The following KDELR2 variants were observed in gnomAD, a reference collection of about 807,000 sequenced individuals.
The protein encoded by KDELR2 is ER lumen protein-retaining receptor 2.
In KDELR2, 15 loss-of-function variants were observed where a neutral mutation model predicts 23.9. The ratio of observed to expected loss-of-function variants is 0.63; its 90% CI spans 0.42 to 0.97. The LOEUF (loss-of-function observed/expected upper bound fraction) is 0.97, where lower values mean the gene tolerates loss of function less well. Among genes scored for constraint, KDELR2 ranks in the 50% least tolerant of loss-of-function variants. The probability of loss-of-function intolerance (pLI) is 0.00; values close to 1 mark genes in which losing one functional copy is unlikely to be tolerated. For synonymous variants in KDELR2, 119 were observed against 106.2 expected, an observed-to-expected ratio of 1.12 and a Z score of -0.74; for missense variants, 272 against 254.6, an observed-to-expected ratio of 1.07 and a Z score of -0.46.
rs375301681 is a variant in KDELR2, at chr7:6,473,841, C to G, written c.192+343G>C. On this transcript the variant is annotated intron_variant, in intron 2 of 4. Coordinates refer to ENST00000258739, the MANE Select transcript of KDELR2 (RefSeq NM_006854.4). The stretch of plus-strand genomic sequence containing the variant: ...AACTTGCTGGATTTCTCTGGGGACT[C>G]TGTAATTTCCCACGGCTTGAAAATA... 1.3e-4 allele frequency among the ~76,000 whole-genome samples: 20 copies of G among 152,270 alleles called. No individual in the cohort carries two copies. The East Asian group carries it at 3.9e-3, about 29-fold the overall frequency.
chr7:6,473,640 G>C (rs1388104288), intron 2 of KDELR2, among the ~76,000 whole-genome samples: 1 of 152,132 alleles, frequency 6.6e-6, no homozygotes, highest in Non-Finnish European at 1.5e-5. Context: ...AGTAAATGAT[G>C]GTATAGAGAT....
In KDELR2 at chr7:6,462,918, T is replaced by TA. The variant is rs775389595; in HGVS notation, c.*222dup. Reference sequence around the variant, plus strand: ...TAATACAGCATTAAGTTTCTTTGTGTAAAAAAATCTTTGTACACAGTAATA... The same window carrying TA: ...TAATACAGCATTAAGTTTCTTTGTGTAAAAAAAATCTTTGTACACAGTAATA... On this transcript the variant is annotated 3_prime_UTR_variant, in exon 5 of 5. Coordinates refer to ENST00000258739, the MANE Select transcript of KDELR2 (RefSeq NM_006854.4). 31 of 1,473,374 alleles carry TA rather than the reference T, an allele frequency of 2.1e-5. No homozygotes were observed. The highest frequency in any genetic ancestry group is 2.8e-5 in the Non-Finnish European group (30 of 1,087,398). 91.3% of individuals were successfully genotyped at this position (1,473,374 alleles called of 1,614,324 possible).
Position 6,475,212 on chromosome 7 carries a change from G to A in KDELR2, c.92-928C>T, listed in dbSNP as rs1365454792. On this transcript the variant is annotated intron_variant, in intron 1 of 4. Coordinates refer to ENST00000258739, the MANE Select transcript of KDELR2 (RefSeq NM_006854.4). ...AATCTCCACATATAGGGGGGCTAAG[G>A]CGGGAGAATCGCTTGAGCCCAGGAG... is the stretch of plus-strand genomic sequence containing the variant. Among the ~76,000 whole-genome samples the A allele has an allele frequency of 7.2e-5, 11 of 152,148 alleles. 1 individual carries two copies. Among genetic ancestry groups the A allele is most frequent in the African/African-American group, 2.7e-4 (11 of 41,424 alleles).
chr7:6,482,644 G>A, intron 1 of KDELR2: 1 of 459,294 alleles, frequency 2.2e-6, no homozygotes. Flanking sequence ...AAAATTTTTA[G>A]AAATAAATCA....
rs759358505 is a variant in KDELR2 at position 6,466,114 on chromosome 7, C to T, written c.561G>A (p.Gln187=). Residue 187 remains glutamine (Q), a synonymous_variant, in exon 4 of 5, where the codon CAG becomes CAA. Coordinates refer to ENST00000258739, the MANE Select transcript of KDELR2 (RefSeq NM_006854.4). ...DLIAVVAGVV[Q]TILYCDFFYL... The stretch of plus-strand genomic sequence containing the variant: ...AGAAGAAGTCACAGTATAGGATGGT[C>T]TGGACTACGCCGGCCACCACAGCAA... 7 of 1,614,082 alleles carry T rather than the reference C, an allele frequency of 4.3e-6. No homozygotes were observed. The South Asian group carries it at 7.7e-5, about 18-fold the overall frequency.
chr7:6,477,204 T>C (rs779781848), intron 1 of KDELR2, among the ~76,000 whole-genome samples: 3 of 152,206 alleles, frequency 2.0e-5, no homozygotes, highest in Admixed American at 6.5e-5. Context: ...AGCCGGTCCA[T>C]GGAGTAGCGT....
rs748278551 is a variant in KDELR2 at position 6,463,085 on chromosome 7, G to T, written c.*56C>A. 1.2e-5 allele frequency: 20 copies of T among 1,614,040 alleles called. No individual in the cohort carries two copies. Among genetic ancestry groups the T allele is most frequent in the Middle Eastern group, 1.6e-4 (1 of 6,084 alleles). ...TCAAGCATCTTATGCCTTTGCTGTG[G>T]TAAGAATTCTGTCCGAGCACCCTGA... On this transcript the variant is annotated 3_prime_UTR_variant, in exon 5 of 5. Transcript: ENST00000258739.
intron 1 of KDELR2, among the ~76,000 whole-genome samples, chr7:6,481,365 CAAAA>C (rs11388243): frequency 8.5e-6 from 1 of 117,682 alleles, no homozygotes; most frequent in Admixed American, 9.5e-5. Context: ...AAGTTCATCT[CAAAA>C]AAAAAAAAAA....
At chr7:6,479,041 G>A (rs1370255048) in intron 1 of KDELR2, among the ~76,000 whole-genome samples, 3 of 151,926 alleles carry the variant, frequency 2.0e-5, no homozygotes, top group Non-Finnish European at 4.4e-5. Flanking sequence ...CACCTACCTC[G>A]GCCTCCCAAA....
intron 4 of KDELR2, among the ~76,000 whole-genome samples, 182 bp downstream of exon 4, chr7:6,465,889 A>G (rs1240124912): frequency 1.3e-5 from 2 of 152,158 alleles, no homozygotes; most frequent in African/African-American, 2.4e-5. Flanking sequence ...AGCTATTGCA[A>G]AAGAAAAAGG....
chr7:6,462,779 CA>C lies in KDELR2; in HGVS notation c.*361del. 2.0e-6 allele frequency: 1 copy of C among 507,302 alleles called. No individual in the cohort carries two copies. Among genetic ancestry groups the C allele is most frequent in the Non-Finnish European group, 3.4e-6 (1 of 291,448 alleles). The allele number at this position is 507,302 out of a possible 1,614,324, so 31.4% of individuals were successfully genotyped here. A position where few individuals can be genotyped will look rare whatever the true frequency, so the allele number is the denominator to read the frequency against. On this transcript the variant is annotated 3_prime_UTR_variant, in exon 5 of 5. Coordinates refer to ENST00000258739, the MANE Select transcript of KDELR2 (RefSeq NM_006854.4). ...AAGGAGTACAATTTCATTGCAGACA[CA>C]AAGACTTAAGAGTTTCAAAGAATTT...
intron 2 of KDELR2, 43 bp from the exon 3 acceptor site, chr7:6,469,797 C>T: frequency 6.5e-7 from 1 of 1,538,620 alleles, no homozygotes; most frequent in Non-Finnish European, 8.8e-7. Flanking sequence ...TACCTTGCCA[C>T]TGTTCCAGCA....
intron 1 of KDELR2, among the ~76,000 whole-genome samples, chr7:6,482,832 C>CAAAAAAAAAA (rs10525658): frequency 8.1e-6 from 1 of 122,878 alleles, no homozygotes; most frequent in Non-Finnish European, 1.8e-5. Context: ...CAAAAAATAG[C>CAAAAAAAAAA]AAAAAAAAAA....
At chr7:6,472,498 CA>C (rs1785670248) in intron 2 of KDELR2, among the ~76,000 whole-genome samples, 2 of 152,198 alleles carry the variant, frequency 1.3e-5, no homozygotes, top group South Asian at 4.1e-4. Flanking sequence ...GATTCTTGCT[CA>C]CACACCTCTA....
chr7:6,464,766 G>A (rs1372832353), intron 4 of KDELR2, among the ~76,000 whole-genome samples: 3 of 115,478 alleles, frequency 2.6e-5, no homozygotes, highest in African/African-American at 1.0e-4. Context: ...ACAGAGTTTT[G>A]CTCTTGTTCC....
In KDELR2 at chr7:6,474,005, T is replaced by C. The variant is rs140009581; in HGVS notation, c.192+179A>G. On this transcript the variant is annotated intron_variant, in intron 2 of 4. Transcript: ENST00000258739. Reference sequence around the variant, plus strand: ...GAAACCAAAAATGTATGCTTACTGATAGCTCGTTTAGTCCCAGTTATATAT... The same window carrying C: ...GAAACCAAAAATGTATGCTTACTGACAGCTCGTTTAGTCCCAGTTATATAT... The C allele has an allele frequency of 8.9e-4, 419 of 471,472 alleles. 5 individuals carry two copies. Among genetic ancestry groups the C allele is most frequent in the African/African-American group, 7.2e-3 (363 of 50,738 alleles). The allele number at this position is 471,472 out of a possible 1,614,324, so 29.2% of individuals were successfully genotyped here. A position where few individuals can be genotyped will look rare whatever the true frequency, so the allele number is the denominator to read the frequency against.
intron 4 of KDELR2, among the ~76,000 whole-genome samples, chr7:6,465,410 C>G (rs1388260702): frequency 1.3e-5 from 2 of 151,314 alleles, no homozygotes; most frequent in Non-Finnish European, 2.9e-5. Flanking sequence ...GTCTCGATCT[C>G]CTGACCTCAT....
chr7:6,474,147 G>A (rs1171448877), intron 2 of KDELR2, 37 bp downstream of exon 2: 6 of 1,249,734 alleles, frequency 4.8e-6, no homozygotes, highest in Non-Finnish European at 7.1e-6. Context: ...CCTGTGCACT[G>A]TAGATGAAAT....
intron 1 of KDELR2, among the ~76,000 whole-genome samples, chr7:6,480,522 A>G (rs555298909): frequency 6.6e-6 from 1 of 152,280 alleles, no homozygotes; most frequent in Non-Finnish European, 1.5e-5. Flanking sequence ...ACGGTCCTTA[A>G]AGGCAGCTGT....
Sources: allele counts gnomAD v4.1 joint callset (sites outside exome capture counted in the v4.1 genomes callset), GRCh38; gene constraint gnomAD v4.1.1; transcripts MANE v1.5; gene names NCBI Gene and HGNC (gene_info 2026-07-23, HGNC 2026-07-21).